GRM1: variants seen among roughly 807,000 people sequenced by gnomAD.
The protein encoded by GRM1 is glutamate metabotropic receptor 1.
In GRM1, 33 loss-of-function variants were observed where a neutral mutation model predicts 90.9. The observed-to-expected ratio is 0.36, with a 90% CI of 0.28 to 0.49. GRM1 has a LOEUF of 0.49. Among genes scored for constraint, GRM1 ranks in the 20% least tolerant of loss-of-function variants. The probability of loss-of-function intolerance (pLI) is 0.99; values close to 1 mark genes in which losing one functional copy is unlikely to be tolerated. For synonymous variants in GRM1, 700 were observed against 613.2 expected, an observed-to-expected ratio of 1.14 and a Z score of -2.09; for missense variants, 1,190 against 1,534.3, an observed-to-expected ratio of 0.78 and a Z score of 3.75.
chr6:146,148,788 A>T (rs550593362), intron 1 of GRM1, among the ~76,000 whole-genome samples: 1 of 152,182 alleles, frequency 6.6e-6, no homozygotes, highest in South Asian at 2.1e-4. Context: ...ATTAACAAGT[A>T]TATATAGTTT....
intron 1 of GRM1, among the ~76,000 whole-genome samples, chr6:146,090,297 T>C (rs1776672989): frequency 6.6e-6 from 1 of 152,104 alleles, no homozygotes; most frequent in Non-Finnish European, 1.5e-5. Context: ...TTTTTAACTC[T>C]TGTTGTATTT....
At chr6:146,153,187 T>C (rs1489300181) in intron 1 of GRM1, among the ~76,000 whole-genome samples, 1 of 152,232 alleles carries the variant, frequency 6.6e-6, no homozygotes, top group Non-Finnish European at 1.5e-5. Flanking sequence ...ACAGTTTTCC[T>C]GATTCTTAAC....
chr6:146,249,829 C>T (rs1438726053), intron 2 of GRM1, among the ~76,000 whole-genome samples: 1 of 152,192 alleles, frequency 6.6e-6, no homozygotes, highest in East Asian at 1.9e-4. Context: ...CCCATGAAAG[C>T]AGCCAGGGGG....
At chr6:146,341,828 G>C (rs767298805) in intron 3 of GRM1, among the ~76,000 whole-genome samples, 1 of 152,158 alleles carries the variant, frequency 6.6e-6, no homozygotes, top group Non-Finnish European at 1.5e-5. Flanking sequence ...AGGCATGGGC[G>C]CTGCTTCTCT....
At chr6:146,388,993 C>T (rs746099621) in intron 6 of GRM1, among the ~76,000 whole-genome samples, 2 of 151,986 alleles carry the variant, frequency 1.3e-5, no homozygotes, top group East Asian at 3.9e-4. Context: ...ATGCAATGGC[C>T]TGGCTTGGAA....
intron 5 of GRM1, among the ~76,000 whole-genome samples, chr6:146,373,012 T>C (rs150130466): frequency 5.6e-4 from 85 of 152,278 alleles, no homozygotes; most frequent in African/African-American, 1.8e-3. Flanking sequence ...ATGAAATTGG[T>C]CTTTTGAAAG....
intron 1 of GRM1, among the ~76,000 whole-genome samples, chr6:146,135,147 C>A (rs185814792): frequency 4.3e-4 from 66 of 152,170 alleles, no homozygotes; most frequent in Admixed American, 8.5e-4. Flanking sequence ...TTAATGATAA[C>A]CCTAAGAGGT....
chr6:146,037,994 A>G (rs541055582), intron 1 of GRM1, among the ~76,000 whole-genome samples: 19 of 152,096 alleles, frequency 1.2e-4, no homozygotes, highest in Non-Finnish European at 2.1e-4. Flanking sequence ...TGTGCTTGTT[A>G]TCATCTTGTA....
At chr6:146,033,980 A>G (rs1278106225) in intron 1 of GRM1, among the ~76,000 whole-genome samples, 2 of 151,448 alleles carry the variant, frequency 1.3e-5, no homozygotes, top group African/African-American at 2.4e-5. Context: ...AAAGGAAATT[A>G]TCTTAATACA....
chr6:146,082,368 C>T (rs1776392502), intron 1 of GRM1, among the ~76,000 whole-genome samples: 1 of 152,080 alleles, frequency 6.6e-6, no homozygotes, highest in African/African-American at 2.4e-5. Context: ...ATTGGTGAGG[C>T]TGGTCTCGAA....
At chr6:146,265,684 C>A (rs1781858323) in intron 2 of GRM1, among the ~76,000 whole-genome samples, 1 of 152,102 alleles carries the variant, frequency 6.6e-6, no homozygotes, top group African/African-American at 2.4e-5. Flanking sequence ...AGTATTTAAT[C>A]CATCTTGAGT....
chr6:146,347,487 A>G (rs1331100535), intron 3 of GRM1, among the ~76,000 whole-genome samples: 5 of 152,224 alleles, frequency 3.3e-5, no homozygotes, highest in Non-Finnish European at 7.3e-5. Context: ...TAATATGTAC[A>G]TTTAGCAAGC....
At chr6:146,205,019 A>T (rs917268607) in intron 2 of GRM1, among the ~76,000 whole-genome samples, 1 of 152,318 alleles carries the variant, frequency 6.6e-6, no homozygotes, top group Admixed American at 6.5e-5. Flanking sequence ...TATTGAATGA[A>T]TATATGAAAA....
At chr6:146,331,421 A>G (rs1412117110) in intron 3 of GRM1, among the ~76,000 whole-genome samples, 2 of 152,244 alleles carry the variant, frequency 1.3e-5, no homozygotes, top group East Asian at 1.9e-4. Context: ...TAAACAAGAA[A>G]TAATGGAAAA....
chr6:146,106,171 TA>T (rs1775291082), intron 1 of GRM1, among the ~76,000 whole-genome samples: 1 of 152,208 alleles, frequency 6.6e-6, no homozygotes, highest in Admixed American at 6.5e-5. Context: ...TAGGGGGAAT[TA>T]TCTCTTTTGT....
chr6:146,363,686 A>G (rs1359417115), intron 5 of GRM1, among the ~76,000 whole-genome samples: 4 of 152,238 alleles, frequency 2.6e-5, no homozygotes, highest in African/African-American at 9.6e-5. Flanking sequence ...GCTACATAAA[A>G]TAGGTGTGTT....
intron 2 of GRM1, among the ~76,000 whole-genome samples, chr6:146,218,842 A>G (rs1466647072): frequency 2.0e-5 from 3 of 152,308 alleles, no homozygotes; most frequent in Admixed American, 6.5e-5. Flanking sequence ...TCTTCCTGCC[A>G]CACGTATAGA....
intron 1 of GRM1, among the ~76,000 whole-genome samples, chr6:146,073,767 A>G (rs1562445679): frequency 6.6e-6 from 1 of 152,144 alleles, no homozygotes; most frequent in Non-Finnish European, 1.5e-5. Flanking sequence ...ACAGGGAAAA[A>G]TAGCTACAAC....
intron 7 of GRM1, among the ~76,000 whole-genome samples, chr6:146,414,235 T>C (rs1777678763): frequency 6.6e-6 from 1 of 152,078 alleles, no homozygotes; most frequent in African/African-American, 2.4e-5. Context: ...TATGTAGAGG[T>C]ATTTAATTAT....
Sources: allele counts gnomAD v4.1 joint callset (sites outside exome capture counted in the v4.1 genomes callset), GRCh38; gene constraint gnomAD v4.1.1; transcripts MANE v1.5; gene names NCBI Gene and HGNC (gene_info 2026-07-23, HGNC 2026-07-21).